The following KLB variants were observed in gnomAD, a reference collection of about 807,000 sequenced individuals.
KLB encodes klotho beta.
A neutral mutation model predicts 88.4 loss-of-function variants in KLB; 44 were observed. The observed-to-expected ratio is 0.50, with a 90% CI of 0.39 to 0.64. The LOEUF (loss-of-function observed/expected upper bound fraction) is 0.64, where lower values mean the gene tolerates loss of function less well. KLB is among the 30% of genes least tolerant of loss of function. KLB has a pLI of 0.00. For synonymous variants in KLB, 548 were observed against 513.4 expected (o/e 1.07, Z -0.91); for missense variants, 1,137 against 1,304.8 (o/e 0.87, Z 1.98).
At position 39,437,885 on chromosome 4, in the gene KLB, T is replaced by C. The variant is rs754456156; in HGVS notation, c.1495T>C (p.Tyr499His). The C allele has an allele frequency of 5.6e-6, 9 of 1,614,096 alleles. No homozygotes were observed. The highest frequency in any genetic ancestry group is 7.6e-6 in the Non-Finnish European group (9 of 1,180,040). The change falls in exon 3 of 5, where the codon TAC (tyrosine) becomes CAC (histidine). Residue 499 changes from tyrosine (Y) to histidine (H), a missense_variant. Around this residue, in one of 4 missense-constraint regions of KLB, gnomAD observed 597 missense variants for 765.2 expected, o/e 0.78. Coordinates refer to ENST00000257408, the MANE Select transcript of KLB (RefSeq NM_175737.4). ...GAAACCTAAGTCTTCAGCACACTACTACAAACAGATCATACGAGAAAATGG... is the reference window on the plus strand; with the variant it reads ...GAAACCTAAGTCTTCAGCACACTACCACAAACAGATCATACGAGAAAATGG... ...ERKPKSSAHYYKQIIRENGFS... is the reference protein window; with the variant it reads ...ERKPKSSAHYHKQIIRENGFS...
intron 1 of KLB, 99 bp from the exon 2 acceptor site, chr4:39,434,111 A>AC (rs1226751317): frequency 1.8e-6 from 2 of 1,141,090 alleles, no homozygotes; most frequent in African/African-American, 3.1e-5. Flanking sequence ...GAATCACTGT[A>AC]CGCTGCATTA....
chr4:39,448,390 T>C lies in KLB; in HGVS notation c.2839T>C (p.Ser947Pro). ...TAAACCCAGATTTGGATTCTTCACA[T>C]CTGATTTTAAAGCTAAATCCTCAAT... Reference protein sequence around the residue: ...KSKPRFGFFTSDFKAKSSIQF... With the variant: ...KSKPRFGFFTPDFKAKSSIQF... Residue 947 changes from serine (S) to proline (P), a missense_variant, in exon 5 of 5, where the codon TCT (serine) becomes CCT (proline). Transcript: ENST00000257408. 6.2e-7 allele frequency: 1 copy of C among 1,614,058 alleles called. No individual in the cohort carries two copies. Among genetic ancestry groups the C allele is most frequent in the Non-Finnish European group, 8.5e-7 (1 of 1,179,894 alleles).
Position 39,447,120 on chromosome 4 carries a change from T to C in KLB, c.2394T>C (p.Leu798=). The change falls in exon 4 of 5, where the codon CTT becomes CTC. Residue 798 remains leucine (L), a synonymous_variant. Coordinates refer to ENST00000257408, the MANE Select transcript of KLB (RefSeq NM_175737.4). Reference sequence around the variant, plus strand: ...TTGCCTCCAAGCACCGACGGGGGCTTTCCAGCTCGGCCCTGCCGCGCCTCA... The same window carrying C: ...TTGCCTCCAAGCACCGACGGGGGCTCTCCAGCTCGGCCCTGCCGCGCCTCA... The part of the protein sequence containing the change: ...EYIASKHRRG[L]SSSALPRLTE... 1 of 1,613,486 alleles carries C rather than the reference T, an allele frequency of 6.2e-7. No individual in the cohort carries two copies.
At chr4:39,411,337 ATT>A (rs35160893) in intron 1 of KLB, among the ~76,000 whole-genome samples, 120 of 103,270 alleles carry the variant, frequency 1.2e-3, no homozygotes, top group African/African-American at 4.8e-3. Context: ...TTTTGTTTTG[ATT>A]TTTTTTTTTT....
intron 1 of KLB, among the ~76,000 whole-genome samples, chr4:39,422,797 T>C (rs1027048406): frequency 2.0e-5 from 3 of 151,914 alleles, no homozygotes; most frequent in Admixed American, 6.6e-5. Flanking sequence ...AGTCTTGCTC[T>C]GTCACCCACA....
intron 4 of KLB, among the ~76,000 whole-genome samples, 165 bp from the exon 5 acceptor site, chr4:39,448,136 C>CT (rs943062206): frequency 2.0e-5 from 3 of 152,134 alleles, no homozygotes; most frequent in African/African-American, 7.2e-5. Context: ...TCACCTTCTC[C>CT]TTTACATAGA....
intron 1 of KLB, among the ~76,000 whole-genome samples, chr4:39,425,380 C>G (rs549450893): frequency 3.3e-4 from 51 of 152,282 alleles, no homozygotes; most frequent in African/African-American, 8.7e-4. Flanking sequence ...TTTTTACATT[C>G]CTTCAGGAAA....
intron 3 of KLB, among the ~76,000 whole-genome samples, chr4:39,440,472 T>C (rs1417352551): frequency 6.6e-6 from 1 of 151,694 alleles, no homozygotes; most frequent in African/African-American, 2.4e-5. Flanking sequence ...AATAGAAGCA[T>C]ATGGAAAGAC....
chr4:39,424,716 T>G, intron 1 of KLB, among the ~76,000 whole-genome samples: 1 of 146,214 alleles, frequency 6.8e-6, no homozygotes, highest in East Asian at 2.0e-4. Context: ...ACTGCAACCT[T>G]TGCATCCCGG....
Position 39,448,524 on chromosome 4 carries a change from T to A in KLB, c.2973T>A (p.Leu991=). Residue 991 remains leucine, a synonymous_variant, in exon 5 of 5, where the codon CTT becomes CTA. Coordinates refer to ENST00000257408, the MANE Select transcript of KLB (RefSeq NM_175737.4). ...ENTECTVCLF[L]VQKKPLIFLG... ...CAGAGTGCACTGTCTGCTTATTCCT[T>A]GTGCAGAAGAAACCACTGATATTCC... 5 of 1,614,212 alleles carry A rather than the reference T, an allele frequency of 3.1e-6. No individual in the cohort carries two copies. Among genetic ancestry groups the A allele is most frequent in the Non-Finnish European group, 4.2e-6 (5 of 1,180,024 alleles).
Position 39,447,208 on chromosome 4 carries a change from A to G in KLB, c.2482A>G (p.Thr828Ala). 1 of 1,613,868 alleles carries G rather than the reference A, an allele frequency of 6.2e-7. No individual in the cohort carries two copies. The highest frequency in any genetic ancestry group is 8.5e-7 in the Non-Finnish European group (1 of 1,179,994). The part of the protein sequence containing the change: ...VDFCALNHFT[T>A]RFVMHEQLAG... The stretch of plus-strand genomic sequence containing the variant: ...CTTCTGCGCGCTCAACCACTTCACC[A>G]CTAGGTTCGTGATGCACGAGCAGCT... Residue 828 changes from threonine (T) to alanine (A), a missense_variant, in exon 4 of 5, where the codon ACT (threonine) becomes GCT (alanine). Around this residue, in one of 4 missense-constraint regions of KLB, gnomAD observed 426 missense variants for 404.6 expected, o/e 1.05. Coordinates refer to ENST00000257408, the MANE Select transcript of KLB (RefSeq NM_175737.4).
Position 39,448,753 on chromosome 4 carries a change from G to A in KLB, c.*67G>A. ...AGTTCCATATGCTGGTAACTTACAG[G>A]AGATATACCTGTATTATAGAAAGAC... is the stretch of plus-strand genomic sequence containing the variant. On this transcript the variant is annotated 3_prime_UTR_variant, in exon 5 of 5. Transcript: ENST00000257408. 7.1e-7 allele frequency: 1 copy of A among 1,402,900 alleles called. No individual in the cohort carries two copies. The highest frequency in any genetic ancestry group is 9.7e-7 in the Non-Finnish European group (1 of 1,032,356). The allele number at this position is 1,402,900 out of a possible 1,614,324, so 86.9% of individuals were successfully genotyped here.
chr4:39,420,872 C>T (rs1041818198), intron 1 of KLB, among the ~76,000 whole-genome samples: 1 of 134,952 alleles, frequency 7.4e-6, no homozygotes, highest in Non-Finnish European at 1.7e-5. Flanking sequence ...TCAAACAACA[C>T]AGAAACACAT....
At chr4:39,420,209 C>T (rs770922376) in intron 1 of KLB, among the ~76,000 whole-genome samples, 4 of 151,980 alleles carry the variant, frequency 2.6e-5, no homozygotes, top group Non-Finnish European at 5.9e-5. Flanking sequence ...GAGTTCATTG[C>T]TTGGTTCTGC....
chr4:39,442,402 C>T (rs1302120334), intron 3 of KLB, among the ~76,000 whole-genome samples: 1 of 151,594 alleles, frequency 6.6e-6, no homozygotes, highest in Non-Finnish European at 1.5e-5. Context: ...TGTTAACATG[C>T]TGCCATATTT....
intron 1 of KLB, among the ~76,000 whole-genome samples, chr4:39,424,412 C>G (rs1743152372): frequency 1.3e-5 from 2 of 151,450 alleles, no homozygotes; most frequent in Non-Finnish European, 2.9e-5. Flanking sequence ...TTTCTAAAGT[C>G]TCTTTAGGGA....
At chr4:39,432,973 G>A (rs796155846) in intron 1 of KLB, among the ~76,000 whole-genome samples, 7 of 151,668 alleles carry the variant, frequency 4.6e-5, no homozygotes, top group African/African-American at 1.5e-4. Flanking sequence ...CTGCCTTCCC[G>A]GGTTCAAGCG....
At chr4:39,419,096 G>T (rs950857802) in intron 1 of KLB, among the ~76,000 whole-genome samples, 3 of 151,916 alleles carry the variant, frequency 2.0e-5, no homozygotes, top group Non-Finnish European at 4.4e-5. Context: ...ACCACTGTTA[G>T]TTATAAGAAT....
At chr4:39,433,028 T>C (rs2109834683) in intron 1 of KLB, among the ~76,000 whole-genome samples, 1 of 152,164 alleles carries the variant, frequency 6.6e-6, no homozygotes, top group African/African-American at 2.4e-5. Context: ...TACAGGTGCC[T>C]GCCACCATGC....
Sources: allele counts gnomAD v4.1 joint callset (sites outside exome capture counted in the v4.1 genomes callset), GRCh38; gene constraint gnomAD v4.1.1; regional missense constraint gnomAD v4.1.1; transcripts MANE v1.5; gene names NCBI Gene and HGNC (gene_info 2026-07-23, HGNC 2026-07-21).